ZNF536: variants seen among roughly 807,000 people sequenced by gnomAD.
The protein encoded by ZNF536 is zinc finger protein 536.
ZNF536 carries 13 observed loss-of-function variants against 84.5 expected under a neutral mutation model. That is an observed-to-expected ratio of 0.15 (90% CI 0.10 to 0.24). The LOEUF (loss-of-function observed/expected upper bound fraction) is 0.24. ZNF536 is among the 10% of genes least tolerant of loss of function. The probability of loss-of-function intolerance (pLI) is 1.00; values close to 1 mark genes in which losing one functional copy is unlikely to be tolerated. For synonymous variants in ZNF536, 811 were observed against 742.5 expected (o/e 1.09, Z -1.50); for missense variants, 1,536 against 1,747.5 (o/e 0.88, Z 2.16).
intron 1 of ZNF536, among the ~76,000 whole-genome samples, chr19:30,230,991 G>T (rs1467909961): frequency 4.0e-5 from 6 of 150,702 alleles, no homozygotes; most frequent in Non-Finnish European, 8.9e-5. Context: ...TTTTTTATAA[G>T]AAGAGTATCA....
intron 1 of ZNF536, among the ~76,000 whole-genome samples, chr19:30,599,912 C>T (rs1043454024): frequency 1.3e-5 from 2 of 152,072 alleles, no homozygotes; most frequent in Non-Finnish European, 1.5e-5. Flanking sequence ...TGACAAATCT[C>T]CAATCTGAGT....
chr19:30,403,334 C>A (rs919108901), intron 1 of ZNF536, among the ~76,000 whole-genome samples: 8 of 152,054 alleles, frequency 5.3e-5, no homozygotes, highest in Admixed American at 3.9e-4. Context: ...ACAAGGCAGG[C>A]CTTTGAAAAT....
intron 2 of ZNF536, among the ~76,000 whole-genome samples, chr19:30,479,990 C>A (rs2054008371): frequency 6.6e-6 from 1 of 152,198 alleles, no homozygotes; most frequent in Admixed American, 6.5e-5. Flanking sequence ...GATTGCTGTT[C>A]CCCCTTCTAG....
intron 1 of ZNF536, among the ~76,000 whole-genome samples, chr19:30,435,323 GTGA>G (rs1243264643): frequency 2.0e-5 from 3 of 150,430 alleles, no homozygotes; most frequent in South Asian, 2.1e-4. Context: ...GGTGATGGTG[GTGA>G]TGATGATGGT....
intron 1 of ZNF536, among the ~76,000 whole-genome samples, chr19:30,413,746 A>G (rs1476592001): frequency 6.6e-6 from 1 of 152,116 alleles, no homozygotes; most frequent in East Asian, 1.9e-4. Context: ...GTTCATCACT[A>G]TGATTGCTCC....
At chr19:30,436,915 T>C (rs564433946) in intron 1 of ZNF536, among the ~76,000 whole-genome samples, 5 of 152,312 alleles carry the variant, frequency 3.3e-5, no homozygotes, top group African/African-American at 9.6e-5. Flanking sequence ...GCAGAGTAAC[T>C]TGGAGGTCAG....
chr19:30,682,498 G>T (rs2147835187), intron 1 of ZNF536, among the ~76,000 whole-genome samples: 1 of 152,318 alleles, frequency 6.6e-6, no homozygotes, highest in South Asian at 2.1e-4. Flanking sequence ...GATCAAGCTG[G>T]CAGAAGGAGG....
Position 30,548,469 on chromosome 19 carries a change from C to T in ZNF536, c.2850C>T (p.His950=), listed in dbSNP as rs557820694. The T allele has an allele frequency of 2.1e-4, 347 of 1,614,146 alleles. No homozygotes were observed. Among genetic ancestry groups the T allele is most frequent in the Non-Finnish European group, 2.8e-4 (328 of 1,180,032 alleles). ...ALADPPSMKV[H]GVDGGEEKPS... ...CTGACCCCCCTTCCATGAAAGTCCA[C>T]GGAGTGGATGGTGGTGAGGAGAAAC... Residue 950 remains histidine, a synonymous_variant, in exon 4 of 5, where the codon CAC becomes CAT. Coordinates refer to ENST00000355537, the MANE Select transcript of ZNF536 (RefSeq NM_014717.3).
In ZNF536 at chr19:30,425,029, A is replaced by G. The variant is rs1382579462; in HGVS notation, c.-2-18532A>G. 2.0e-5 allele frequency among the ~76,000 whole-genome samples: 3 copies of G among 152,118 alleles called. No individual in the cohort carries two copies. The East Asian group carries it at 5.8e-4, about 29-fold the overall frequency. On this transcript the variant is annotated intron_variant, in intron 1 of 4. Coordinates refer to ENST00000355537, the MANE Select transcript of ZNF536 (RefSeq NM_014717.3). ...AGATTTAAATGAGTTTGGTAGAAGA[A>G]AACAAAGATGGTGAGGACACAAAGG...
intron 1 of ZNF536, among the ~76,000 whole-genome samples, chr19:30,245,833 C>T (rs763397034): frequency 1.4e-4 from 22 of 152,226 alleles, no homozygotes; most frequent in Non-Finnish European, 2.9e-4. Context: ...CCCGCCTATA[C>T]CACTTGGTCT....
chr19:30,244,584 G>A (rs766108017), intron 1 of ZNF536, among the ~76,000 whole-genome samples: 33 of 152,122 alleles, frequency 2.2e-4, no homozygotes, highest in Non-Finnish European at 2.9e-4. Flanking sequence ...GAAGAATTTC[G>A]AAACTCAGAT....
chr19:30,378,250 T>A (rs550154441), intron 1 of ZNF536, among the ~76,000 whole-genome samples: 2 of 152,272 alleles, frequency 1.3e-5, no homozygotes, highest in South Asian at 4.2e-4. Context: ...GCAAACTGCC[T>A]CCGTGGTTCA....
chr19:30,525,437 A>C (rs1192853870), intron 2 of ZNF536, among the ~76,000 whole-genome samples: 2 of 152,198 alleles, frequency 1.3e-5, no homozygotes, highest in Non-Finnish European at 2.9e-5. Context: ...TTATTTGTTG[A>C]AAAAGTATTT....
chr19:30,581,206 A>G (rs1052246472), intron 1 of ZNF536, among the ~76,000 whole-genome samples: 1 of 152,234 alleles, frequency 6.6e-6, no homozygotes, highest in East Asian at 1.9e-4. Context: ...TGCTGGAGAC[A>G]GTGGCTCCCG....
upstream of ZNF536, among the ~76,000 whole-genome samples, chr19:30,368,790 T>C (rs1391006797): frequency 1.3e-5 from 2 of 152,058 alleles, no homozygotes; most frequent in Non-Finnish European, 2.9e-5. Flanking sequence ...TCTCACCGGG[T>C]CCAAGGGAGG....
At chr19:30,654,146 T>C (rs889334392) in intron 1 of ZNF536, among the ~76,000 whole-genome samples, 1 of 152,020 alleles carries the variant, frequency 6.6e-6, no homozygotes, top group Non-Finnish European at 1.5e-5. Flanking sequence ...GCATAAGAAG[T>C]CTCCCTGGCT....
intron 2 of ZNF536, among the ~76,000 whole-genome samples, chr19:30,517,652 C>T (rs944995743): frequency 1.3e-5 from 2 of 152,002 alleles, no homozygotes; most frequent in African/African-American, 2.4e-5. Context: ...CTGGGTGTGG[C>T]GGTGCATACG....
intron 1 of ZNF536, among the ~76,000 whole-genome samples, chr19:30,615,241 G>T (rs926306997): frequency 6.6e-6 from 1 of 150,598 alleles, no homozygotes; most frequent in Admixed American, 6.6e-5. Context: ...CACCGCGCCC[G>T]GCCTCAATTT....
At chr19:30,568,703 G>A (rs577278786) in intron 1 of ZNF536, among the ~76,000 whole-genome samples, 233 of 152,334 alleles carry the variant, frequency 1.5e-3, no homozygotes, top group African/African-American at 5.5e-3. Flanking sequence ...TGGGGACACT[G>A]GCAATGCCCA....
Sources: gnomAD v4.1 joint callset for allele counts (sites outside exome capture counted in the v4.1 genomes callset) on GRCh38, gnomAD v4.1.1 for gene constraint, MANE v1.5 for transcripts, NCBI Gene and HGNC (gene_info 2026-07-23, HGNC 2026-07-21) for gene names.